Variants in PBX3 observed in about 807,000 individuals in gnomAD.
PBX3 encodes the protein pre-B-cell leukemia transcription factor 3.
A neutral mutation model predicts 48.5 loss-of-function variants in PBX3; 14 were observed. That is an observed-to-expected ratio of 0.29 (90% CI 0.19 to 0.45). The LOEUF is 0.45. PBX3 is among the 20% of genes least tolerant of loss of function. The pLI is 1.00. For synonymous variants in PBX3, 210 were observed against 200.3 expected, an observed-to-expected ratio of 1.05 and a Z score of -0.41; for missense variants, 386 against 546.7, an observed-to-expected ratio of 0.71 and a Z score of 2.93.
At position 125,893,538 on chromosome 9, in the gene PBX3, T is replaced by C. The variant is rs1001110070; in HGVS notation, c.275-22148T>C. Reference sequence around the variant, plus strand: ...CGAGGCCAAAGCAATCAGTGTTTAGTGGAGAAAACTAATTGAGAAATTATT... The same window carrying C: ...CGAGGCCAAAGCAATCAGTGTTTAGCGGAGAAAACTAATTGAGAAATTATT... On this transcript the variant is annotated intron_variant, in intron 2 of 8. Coordinates refer to ENST00000373489, the MANE Select transcript of PBX3 (RefSeq NM_006195.6). Among the ~76,000 whole-genome samples, 10 of 152,216 alleles carry C rather than the reference T, an allele frequency of 6.6e-5. No homozygotes were observed. The South Asian group carries it at 2.1e-3, about 32-fold the overall frequency.
intron 8 of PBX3, among the ~76,000 whole-genome samples, chr9:125,963,646 G>A (rs1842475794): frequency 6.6e-6 from 1 of 152,056 alleles, no homozygotes; most frequent in African/African-American, 2.4e-5. Flanking sequence ...CACTGACATG[G>A]ATGGAAAATG....
chr9:125,844,461 T>G (rs1839374989), intron 2 of PBX3: 1 of 152,070 alleles, frequency 6.6e-6, no homozygotes, highest in African/African-American at 2.4e-5. Flanking sequence ...CTAGCATTCT[T>G]TGAGTGGGTA....
chr9:125,794,577 TAAA>T (rs547008431), intron 2 of PBX3, among the ~76,000 whole-genome samples: 1 of 147,878 alleles, frequency 6.8e-6, no homozygotes, highest in African/African-American at 2.5e-5. Flanking sequence ...TTCAATTTAT[TAAA>T]AAAAAAAGAT....
In PBX3 at chr9:125,962,163, G is replaced by C. The variant is rs780743678; in HGVS notation, c.1071G>C (p.Leu357=). Residue 357 remains leucine, a synonymous_variant, in exon 7 of 9, where the codon CTG becomes CTC. Coordinates refer to ENST00000373489, the MANE Select transcript of PBX3 (RefSeq NM_006195.6). ...ACATGTTCATGAACATGCAGAGTCT[G>C]AATGGGGATTCTTACCAAGGGTCCC... The part of the protein sequence containing the change: ...SGDMFMNMQS[L]NGDSYQGSQV... 2.5e-6 allele frequency: 4 copies of C among 1,613,448 alleles called. No homozygotes were observed. The highest frequency in any genetic ancestry group is 3.4e-6 in the Non-Finnish European group (4 of 1,179,522).
intron 2 of PBX3, among the ~76,000 whole-genome samples, chr9:125,875,690 C>T (rs963602207): frequency 4.6e-5 from 7 of 152,158 alleles, no homozygotes; most frequent in African/African-American, 9.7e-5. Context: ...TAACTTCCTA[C>T]GATACTGCTT....
At chr9:125,951,982 C>A (rs1305749087) in intron 5 of PBX3, among the ~76,000 whole-genome samples, 1 of 152,198 alleles carries the variant, frequency 6.6e-6, no homozygotes, top group Admixed American at 6.5e-5. Flanking sequence ...TGAACAGTAT[C>A]TGGCTTCCAT....
chr9:125,872,476 A>G (rs773122831), intron 2 of PBX3, among the ~76,000 whole-genome samples: 53 of 152,210 alleles, frequency 3.5e-4, no homozygotes, highest in Non-Finnish European at 2.5e-4. Context: ...ATGTGATATC[A>G]GATAAAGTAA....
chr9:125,955,177 T>A (rs1447405449), intron 5 of PBX3, among the ~76,000 whole-genome samples: 1 of 61,604 alleles, frequency 1.6e-5, no homozygotes, highest in Non-Finnish European at 4.7e-5. Context: ...CTGCTATAGA[T>A]CTCAGGCTCC....
intron 2 of PBX3, among the ~76,000 whole-genome samples, chr9:125,791,845 A>G: frequency 6.6e-6 from 1 of 151,776 alleles, no homozygotes; most frequent in East Asian, 1.9e-4. Context: ...CTGAGGTAGG[A>G]GAATGGCGTG....
At chr9:125,897,141 G>GTTTTTTTTTTT (rs371641194) in intron 2 of PBX3, among the ~76,000 whole-genome samples, 1 of 108,930 alleles carries the variant, frequency 9.2e-6, no homozygotes. Context: ...TTCATTTGTG[G>GTTTTTTTTTTT]TTTTTTTTTT....
intron 2 of PBX3, among the ~76,000 whole-genome samples, chr9:125,914,799 C>T (rs1841288760): frequency 1.3e-5 from 2 of 152,194 alleles, no homozygotes; most frequent in South Asian, 4.1e-4. Flanking sequence ...GACTCCAATG[C>T]TTTTTATACC....
rs1434616246 is a variant in PBX3 at position 125,827,032 on chromosome 9, C to T, written c.274+78409C>T. On this transcript the variant is annotated intron_variant, in intron 2 of 8. Transcript: ENST00000373489. ...ACCAATCCCTCTTTATCCACACCTCCCACCCACACCCCTCCCAGTCTGTGG... is the reference window on the plus strand; with the variant it reads ...ACCAATCCCTCTTTATCCACACCTCTCACCCACACCCCTCCCAGTCTGTGG... Among the ~76,000 whole-genome samples, 3 of 152,118 alleles carry T rather than the reference C, an allele frequency of 2.0e-5. No homozygotes were observed. In the East Asian group the frequency reaches 5.8e-4, roughly 29 times the overall value.
chr9:125,831,480 G>A (rs1321189749), intron 2 of PBX3, among the ~76,000 whole-genome samples: 2 of 151,110 alleles, frequency 1.3e-5, no homozygotes, highest in African/African-American at 4.9e-5. Context: ...TGAGTGGTGC[G>A]ATCTCGATTA....
In PBX3 at chr9:125,748,850, C is replaced by T. The variant is rs997397007; in HGVS notation, c.274+227C>T. Reference sequence around the variant, plus strand: ...TGTAGGTGCGGACCGGGCTGGATCGCCGTCCCTCGGCGGCCGCCCCTGGCT... The same window carrying T: ...TGTAGGTGCGGACCGGGCTGGATCGTCGTCCCTCGGCGGCCGCCCCTGGCT... On this transcript the variant is annotated intron_variant, in intron 2 of 8. Coordinates refer to ENST00000373489, the MANE Select transcript of PBX3 (RefSeq NM_006195.6). 49 of 364,122 alleles carry T rather than the reference C, an allele frequency of 1.3e-4. 1 individual carries two copies. Among genetic ancestry groups the T allele is most frequent in the Non-Finnish European group, 2.3e-4 (46 of 199,930 alleles). The allele number at this position is 364,122 out of a possible 1,614,324, so 22.6% of individuals were successfully genotyped here.
chr9:125,864,357 A>G (rs1229735814), intron 2 of PBX3, among the ~76,000 whole-genome samples: 1 of 152,152 alleles, frequency 6.6e-6, no homozygotes, highest in African/African-American at 2.4e-5. Flanking sequence ...TTTTGGCACT[A>G]GGGAGTGGTT....
chr9:125,750,972 T>C (rs1226154568), intron 2 of PBX3, among the ~76,000 whole-genome samples: 1 of 152,194 alleles, frequency 6.6e-6, no homozygotes, highest in East Asian at 1.9e-4. Flanking sequence ...TAGACATTAG[T>C]GTTACCAAAG....
At chr9:125,947,399 C>T (rs916249109) in intron 5 of PBX3, among the ~76,000 whole-genome samples, 2 of 152,038 alleles carry the variant, frequency 1.3e-5, no homozygotes, top group Non-Finnish European at 2.9e-5. Context: ...AAGACTCTTA[C>T]GTTTTCCGGG....
At chr9:125,965,367 G>T (rs1214796145) in intron 8 of PBX3, among the ~76,000 whole-genome samples, 1 of 152,160 alleles carries the variant, frequency 6.6e-6, no homozygotes, top group African/African-American at 2.4e-5. Flanking sequence ...CACTTTCCAA[G>T]GGTTACAGTA....
In PBX3 at chr9:125,837,494, G is replaced by A. The variant is rs189657451; in HGVS notation, c.275-78192G>A. 4.6e-4 allele frequency among the ~76,000 whole-genome samples: 70 copies of A among 151,576 alleles called. No homozygotes were observed. In the East Asian group the frequency reaches 0.013, roughly 28 times the overall value. ...AACTAGGTGTTTGGGGTCAAGAATA[G>A]GAAAGAGACTTAAAAATGTACTTTT... On this transcript the variant is annotated intron_variant, in intron 2 of 8. Coordinates refer to ENST00000373489, the MANE Select transcript of PBX3 (RefSeq NM_006195.6).
Sources: allele counts gnomAD v4.1 joint callset (sites outside exome capture counted in the v4.1 genomes callset), GRCh38; gene constraint gnomAD v4.1.1; transcripts MANE v1.5; gene names NCBI Gene and HGNC (gene_info 2026-07-23, HGNC 2026-07-21).